Variants in ABL2 observed in about 807,000 individuals in gnomAD.
The protein encoded by ABL2 is tyrosine-protein kinase ABL2.
Under a neutral mutation model 107.7 loss-of-function variants are expected in ABL2, and 49 were observed. The ratio of observed to expected loss-of-function variants is 0.45; its 90% confidence interval spans 0.36 to 0.58. ABL2 has a LOEUF of 0.58. ABL2 is among the 20% of genes least tolerant of loss of function. The pLI, the probability that ABL2 is intolerant of heterozygous loss-of-function variation, is 0.00. For synonymous variants in ABL2, 549 were observed against 548.6 expected (o/e 1.00, Z -0.01); for missense variants, 1,245 against 1,457.0 (o/e 0.85, Z 2.37).
chr1:179,128,036 A>AAG (rs1158796436), intron 3 of ABL2, among the ~76,000 whole-genome samples: 1 of 151,762 alleles, frequency 6.6e-6, no homozygotes, highest in Non-Finnish European at 1.5e-5. Flanking sequence ...CTGCTAAAAA[A>AAG]AAAAAAAAAA....
intron 1 of ABL2, among the ~76,000 whole-genome samples, chr1:179,185,724 A>G (rs924736700): frequency 6.6e-6 from 1 of 152,238 alleles, no homozygotes; most frequent in Admixed American, 6.5e-5. Context: ...GTAGCTGTAC[A>G]TAAAGATTAT....
intron 1 of ABL2, among the ~76,000 whole-genome samples, chr1:179,227,567 C>T (rs1663287694): frequency 6.6e-6 from 1 of 152,198 alleles, no homozygotes; most frequent in Non-Finnish European, 1.5e-5. Flanking sequence ...TCACCATTGC[C>T]TACTAGGCCA....
At chr1:179,150,947 A>T (rs77522004) in intron 1 of ABL2, among the ~76,000 whole-genome samples, 1 of 152,236 alleles carries the variant, frequency 6.6e-6, no homozygotes, top group Admixed American at 6.5e-5. Context: ...CACCAAAAAA[A>T]TGATTTGCTG....
At chr1:179,135,610 G>GC (rs1164810627) in intron 1 of ABL2, among the ~76,000 whole-genome samples, 4 of 151,564 alleles carry the variant, frequency 2.6e-5, no homozygotes, top group African/African-American at 4.8e-5. Context: ...GGGGGGGTCA[G>GC]CCCCCCACCC....
At chr1:179,202,002 G>C in intron 1 of ABL2, 1 of 802,906 alleles carries the variant, frequency 1.2e-6, no homozygotes, top group African/African-American at 1.8e-5. Flanking sequence ...GGAGAGGGAA[G>C]GGAGCCAAGG....
chr1:179,172,790 A>T (rs1659797220), intron 1 of ABL2, among the ~76,000 whole-genome samples: 1 of 152,204 alleles, frequency 6.6e-6, no homozygotes, highest in South Asian at 2.1e-4. Context: ...ATCTCTTAAG[A>T]TACTAAATTA....
chr1:179,126,800 T>C lies in ABL2; in HGVS notation c.392-128A>G. The C allele has an allele frequency of 9.6e-7, 1 of 1,042,726 alleles. No homozygotes were observed. 64.6% of individuals were successfully genotyped at this position (1,042,726 alleles called of 1,614,324 possible). On this transcript the variant is annotated intron_variant, in intron 3 of 11. Coordinates refer to ENST00000502732, the MANE Select transcript of ABL2 (RefSeq NM_007314.4). The surrounding 1 kb of genome is among the most constrained non-coding windows in gnomAD (Gnocchi z 4.4). ...ATCTAGAACTTTTATGCCAAATTTTTTTTTTAAATAATGAAAACAAACTTG... is the reference window on the plus strand; with the variant it reads ...ATCTAGAACTTTTATGCCAAATTTTCTTTTTAAATAATGAAAACAAACTTG...
chr1:179,195,640 A>G (rs995189876), intron 1 of ABL2, among the ~76,000 whole-genome samples: 1 of 152,240 alleles, frequency 6.6e-6, no homozygotes, highest in Non-Finnish European at 1.5e-5. Flanking sequence ...AGTAGTCCAT[A>G]AAGAGATGAG....
chr1:179,167,620 C>T (rs1410489093), intron 1 of ABL2, among the ~76,000 whole-genome samples: 3 of 152,062 alleles, frequency 2.0e-5, no homozygotes, highest in African/African-American at 7.2e-5. Flanking sequence ...TGATGGACAC[C>T]CCAAATACTC....
chr1:179,224,869 A>C (rs994372161), intron 1 of ABL2, among the ~76,000 whole-genome samples: 2 of 150,376 alleles, frequency 1.3e-5, no homozygotes, highest in East Asian at 1.9e-4. Flanking sequence ...AAAAAAAAAA[A>C]CACAAAATTA....
At chr1:179,208,146 T>TTA (rs1226799473) in intron 1 of ABL2, among the ~76,000 whole-genome samples, 1 of 152,110 alleles carries the variant, frequency 6.6e-6, no homozygotes, top group Non-Finnish European at 1.5e-5. Flanking sequence ...ATTGTATATG[T>TTA]TATATATATA....
chr1:179,190,314 A>G lies in ABL2; in HGVS notation c.157+38927T>C, dbSNP rs544456353. Reference sequence around the variant, plus strand: ...CAAGAGTGGCTCACGGAACTCAGGGAAACACTTTACATACGTTTACTTATT... The same window carrying G: ...CAAGAGTGGCTCACGGAACTCAGGGGAACACTTTACATACGTTTACTTATT... On this transcript the variant is annotated intron_variant, in intron 1 of 11. Transcript: ENST00000502732. 2.6e-5 allele frequency among the ~76,000 whole-genome samples: 4 copies of G among 152,246 alleles called. No individual in the cohort carries two copies. In the South Asian group the frequency reaches 8.3e-4, roughly 32 times the overall value.
chr1:179,214,630 ATTGT>A lies in ABL2; in HGVS notation c.157+14607_157+14610del, dbSNP rs573081176. On this transcript the variant is annotated intron_variant, in intron 1 of 11. Transcript: ENST00000502732. ...TCACAAATTAATACAATGGAAAAAC[ATTGT>A]TTGTTCCAAGCTCAAATATATATAC... 5.7e-3 allele frequency among the ~76,000 whole-genome samples: 850 copies of A among 150,200 alleles called. 9 individuals are homozygous for A. Among genetic ancestry groups the A allele is most frequent in the African/African-American group, 0.019 (787 of 41,168 alleles).
At chr1:179,133,885 T>C (rs989320184) in intron 1 of ABL2, among the ~76,000 whole-genome samples, 4 of 152,204 alleles carry the variant, frequency 2.6e-5, no homozygotes, top group African/African-American at 9.6e-5. Context: ...GTGAATGTGG[T>C]ATCTCTCTTT....
intron 1 of ABL2, among the ~76,000 whole-genome samples, chr1:179,156,153 C>T (rs1021705965): frequency 6.6e-6 from 1 of 152,186 alleles, no homozygotes; most frequent in African/African-American, 2.4e-5. Flanking sequence ...TTCAGACCTG[C>T]GGAGCTAGTT....
intron 1 of ABL2, 141 bp from the exon 2 acceptor site, chr1:179,133,515 T>C (rs2102673921): frequency 1.4e-5 from 18 of 1,327,332 alleles, no homozygotes; most frequent in Non-Finnish European, 1.9e-5. Context: ...CGCCTCTCCC[T>C]ACTCCATACC....
chr1:179,139,726 C>G (rs1399250498), intron 1 of ABL2, among the ~76,000 whole-genome samples: 2 of 152,160 alleles, frequency 1.3e-5, no homozygotes, highest in South Asian at 2.1e-4. Context: ...AGCAGGTGAG[C>G]AGCGGGCCAG....
rs78256770 is a variant in ABL2 at position 179,165,640 on chromosome 1, T to C, written c.158-32266A>G. Among the ~76,000 whole-genome samples, 1,126 of 151,976 alleles carry C rather than the reference T, an allele frequency of 7.4e-3. 13 individuals are homozygous for C. Among genetic ancestry groups the C allele is most frequent in the African/African-American group, 0.026 (1,060 of 41,448 alleles). On this transcript the variant is annotated intron_variant, in intron 1 of 11. Transcript: ENST00000502732. ...ACATAACAGTAACAATTTACAAGAG[T>C]GCTTCTTCTAGATAAATACATACTT... is the stretch of plus-strand genomic sequence containing the variant.
chr1:179,135,224 C>G (rs1186898187), intron 1 of ABL2, among the ~76,000 whole-genome samples: 5 of 151,824 alleles, frequency 3.3e-5, no homozygotes, highest in Non-Finnish European at 2.9e-5. Flanking sequence ...CTCTGCCTGG[C>G]TGCCCAGTCT....
Sources: gnomAD v4.1 joint callset for allele counts (sites outside exome capture counted in the v4.1 genomes callset) on GRCh38, gnomAD v4.1.1 for gene constraint, Gnocchi (gnomAD v3.1) non-coding constraint, MANE v1.5 for transcripts, NCBI Gene and HGNC (gene_info 2026-07-23, HGNC 2026-07-21) for gene names.